Variants in FMNL2 observed in about 807,000 individuals in gnomAD.
FMNL2 encodes the protein formin-like protein 2.
In FMNL2, 51 loss-of-function variants were observed where a neutral mutation model predicts 130.2. The ratio of observed to expected loss-of-function variants is 0.39; its 90% CI spans 0.31 to 0.49. The LOEUF is 0.49. Ranked by LOEUF, FMNL2 falls within the 20% of genes least tolerant of loss-of-function variation. FMNL2 has a pLI of 0.85. For synonymous variants in FMNL2, 465 were observed against 467.1 expected (o/e 1.00, Z 0.06); for missense variants, 977 against 1,316.2 (o/e 0.74, Z 3.99).
chr2:152,491,242 T>G (rs558644924), intron 1 of FMNL2, among the ~76,000 whole-genome samples: 1 of 152,322 alleles, frequency 6.6e-6, no homozygotes, highest in South Asian at 2.1e-4. Flanking sequence ...TGATCTTCCT[T>G]TGTAACTCAA....
At chr2:152,523,021 C>T (rs577747599) in intron 2 of FMNL2, among the ~76,000 whole-genome samples, 220 of 151,900 alleles carry the variant, frequency 1.4e-3, no homozygotes, top group African/African-American at 5.1e-3. Context: ...GCCGTGTGCA[C>T]GCAAATATTA....
At chr2:152,512,164 C>T (rs1692527839) in intron 1 of FMNL2, among the ~76,000 whole-genome samples, 1 of 152,100 alleles carries the variant, frequency 6.6e-6, no homozygotes, top group African/African-American at 2.4e-5. Flanking sequence ...TGGATTCAGA[C>T]ACAGCTCCTG....
chr2:152,648,830 T>C lies in FMNL2; in HGVS notation c.*925T>C, dbSNP rs751012615. ...CTTATTTTTTATAAATTCAAGAAGA[T>C]ACACTTGGCATCGTGTATCGAGGCT... On this transcript the variant is annotated 3_prime_UTR_variant, in exon 26 of 26. Coordinates refer to ENST00000288670, the MANE Select transcript of FMNL2 (RefSeq NM_052905.4). The C allele has an allele frequency of 6.6e-6, 1 of 152,634 alleles. No homozygotes were observed. The highest frequency in any genetic ancestry group is 1.5e-5 in the Non-Finnish European group (1 of 68,040). 9.5% of individuals were successfully genotyped at this position (152,634 alleles called of 1,614,324 possible).
chr2:152,463,350 TTGGTGA>T (rs1323773528), intron 1 of FMNL2, among the ~76,000 whole-genome samples: 1 of 152,196 alleles, frequency 6.6e-6, no homozygotes, highest in African/African-American at 2.4e-5. Flanking sequence ...TACCCTTCTC[TTGGTGA>T]TGAAGAAATC....
rs564196354 is a variant in FMNL2, at chr2:152,550,764, T to G, written c.359+1667T>G. ...ATCAGGAGCTAGATTCGATTTTGTT[T>G]GGTCCAAACCTTTGCCTTTGGCCCT... On this transcript the variant is annotated intron_variant, in intron 4 of 25. Transcript: ENST00000288670. 3.9e-5 allele frequency among the ~76,000 whole-genome samples: 6 copies of G among 152,358 alleles called. No homozygotes were observed. The South Asian group carries it at 1.2e-3, about 32-fold the overall frequency.
chr2:152,366,450 AAT>A (rs1491307386), intron 1 of FMNL2, among the ~76,000 whole-genome samples: 42 of 123,866 alleles, frequency 3.4e-4, no homozygotes, highest in East Asian at 1.1e-3. Flanking sequence ...ATAATAAAAA[AAT>A]AAATAAAATT....
intron 9 of FMNL2, among the ~76,000 whole-genome samples, chr2:152,592,049 G>A (rs1169066034): frequency 6.6e-6 from 1 of 152,182 alleles, no homozygotes; most frequent in Admixed American, 6.5e-5. Flanking sequence ...GTTGCAGTGA[G>A]CCTAGATCGC....
At chr2:152,623,771 A>C (rs554713775) in intron 15 of FMNL2, among the ~76,000 whole-genome samples, 19 of 152,250 alleles carry the variant, frequency 1.2e-4, no homozygotes, top group Admixed American at 7.8e-4. Flanking sequence ...TGGTTTGGGA[A>C]GACTTCTTTA....
intron 9 of FMNL2, among the ~76,000 whole-genome samples, chr2:152,597,841 G>A (rs1481055907): frequency 2.6e-5 from 4 of 152,218 alleles, no homozygotes; most frequent in African/African-American, 9.6e-5. Flanking sequence ...GTTCCAATTG[G>A]CTAAGCGCAA....
rs79115388 is a variant in FMNL2 at position 152,555,019 on chromosome 2, A to G, written c.360-3721A>G. ...ATCAATATTTTTTATTGCTTATCTA[A>G]GGGCGTTCTTAAGTGAAGCTGGCCT... On this transcript the variant is annotated intron_variant, in intron 4 of 25. Coordinates refer to ENST00000288670, the MANE Select transcript of FMNL2 (RefSeq NM_052905.4). Among the ~76,000 whole-genome samples the G allele has an allele frequency of 4.7e-3, 709 of 152,318 alleles. 1 individual carries two copies. The highest frequency in any genetic ancestry group is 0.016 in the African/African-American group (676 of 41,578).
chr2:152,489,612 T>G (rs1454135209), intron 1 of FMNL2, among the ~76,000 whole-genome samples: 1 of 152,202 alleles, frequency 6.6e-6, no homozygotes, highest in Non-Finnish European at 1.5e-5. Context: ...ATGTAATACT[T>G]GTAAGGAAAA....
chr2:152,434,667 G>A (rs1453098472), intron 1 of FMNL2, among the ~76,000 whole-genome samples: 1 of 151,912 alleles, frequency 6.6e-6, no homozygotes, highest in Non-Finnish European at 1.5e-5. Flanking sequence ...TTTTTAACTG[G>A]CCTACTCCTG....
At chr2:152,484,892 T>A (rs1318536530) in intron 1 of FMNL2, among the ~76,000 whole-genome samples, 1 of 152,214 alleles carries the variant, frequency 6.6e-6, no homozygotes, top group Non-Finnish European at 1.5e-5. Context: ...GGTGCATTAA[T>A]GGTTCCTGTC....
chr2:152,580,261 A>G (rs1696710163), intron 8 of FMNL2, among the ~76,000 whole-genome samples: 1 of 152,222 alleles, frequency 6.6e-6, no homozygotes, highest in South Asian at 2.1e-4. Context: ...TGAAGAAACA[A>G]TGCTGTTTCT....
chr2:152,436,724 T>C (rs567315793), intron 1 of FMNL2, among the ~76,000 whole-genome samples: 12 of 152,090 alleles, frequency 7.9e-5, no homozygotes, highest in Non-Finnish European at 1.0e-4. Flanking sequence ...TAGTGAGAAA[T>C]AGTCTCAGTA....
At chr2:152,398,564 A>G (rs1685520756) in intron 1 of FMNL2, among the ~76,000 whole-genome samples, 1 of 152,326 alleles carries the variant, frequency 6.6e-6, no homozygotes, top group South Asian at 2.1e-4. Context: ...TGAGCAATTA[A>G]TATGTAAGGC....
At chr2:152,615,546 CGTT>C (rs932997705) in intron 12 of FMNL2, among the ~76,000 whole-genome samples, 2 of 152,162 alleles carry the variant, frequency 1.3e-5, no homozygotes, top group South Asian at 4.1e-4. Flanking sequence ...TCCTCAGTAT[CGTT>C]GTCAGCTCTA....
chr2:152,609,756 T>C (rs1232811704), intron 10 of FMNL2, among the ~76,000 whole-genome samples: 3 of 152,116 alleles, frequency 2.0e-5, no homozygotes, highest in Admixed American at 2.0e-4. Context: ...TCTAACTTGA[T>C]AAAAAAATTT....
chr2:152,543,726 G>C (rs1340485973), intron 3 of FMNL2, among the ~76,000 whole-genome samples: 29 of 23,054 alleles, frequency 1.3e-3, no homozygotes, highest in East Asian at 6.0e-3. Context: ...CCCACCCCCC[G>C]ACCAAAAAAA....
Sources: gnomAD v4.1 joint callset for allele counts (sites outside exome capture counted in the v4.1 genomes callset) on GRCh38, gnomAD v4.1.1 for gene constraint, MANE v1.5 for transcripts, NCBI Gene and HGNC (gene_info 2026-07-23, HGNC 2026-07-21) for gene names.